The following HOPX variants were observed in gnomAD, a reference collection of about 807,000 sequenced individuals.
HOPX encodes the protein homeodomain-only protein.
A neutral mutation model predicts 11.8 loss-of-function variants in HOPX; 5 were observed. The ratio of observed to expected loss-of-function variants is 0.43; its 90% CI spans 0.22 to 0.89. The LOEUF is 0.89. HOPX is among the 40% of genes least tolerant of loss of function. The probability of loss-of-function intolerance (pLI) is 0.28; values close to 1 mark genes in which losing one functional copy is unlikely to be tolerated. For synonymous variants in HOPX, 49 were observed against 49.7 expected (o/e 0.99, Z 0.06); for missense variants, 119 against 120.0 (o/e 0.99, Z 0.04).
intron 3 of HOPX, among the ~76,000 whole-genome samples, chr4:56,652,450 G>C (rs1298876613): frequency 6.6e-6 from 1 of 152,142 alleles, no homozygotes; most frequent in African/African-American, 2.4e-5. Flanking sequence ...TCAGGCACAT[G>C]AAACAAATGT....
intron 1 of HOPX, among the ~76,000 whole-genome samples, chr4:56,668,966 T>C (rs1183811550): frequency 2.0e-5 from 3 of 152,232 alleles, no homozygotes. Context: ...TTTACTCCAG[T>C]TGTGATCCAG....
chr4:56,664,766 A>G (rs1232111573), intron 1 of HOPX: 2 of 152,102 alleles, frequency 1.3e-5, no homozygotes, highest in Non-Finnish European at 2.9e-5. Flanking sequence ...TAAAATAATT[A>G]TTTCTCTGCT....
intron 1 of HOPX, chr4:56,680,606 C>T (rs968397367): frequency 1.3e-5 from 2 of 152,050 alleles, no homozygotes; most frequent in Non-Finnish European, 2.9e-5. Flanking sequence ...TTCCACTTTA[C>T]TTAACAGTTT....
At chr4:56,654,585 C>T (rs1717501000) in intron 3 of HOPX, among the ~76,000 whole-genome samples, 1 of 152,198 alleles carries the variant, frequency 6.6e-6, no homozygotes, top group African/African-American at 2.4e-5. Context: ...TTCTGGTTGG[C>T]CAGACAGCTG....
chr4:56,665,750 A>G (rs921624090), intron 1 of HOPX: 3 of 152,146 alleles, frequency 2.0e-5, no homozygotes, highest in Non-Finnish European at 4.4e-5. Context: ...TTCATTTTAT[A>G]TATGTAGAAA....
chr4:56,667,858 G>A (rs1265566158), intron 1 of HOPX, among the ~76,000 whole-genome samples: 2 of 152,164 alleles, frequency 1.3e-5, no homozygotes, highest in Non-Finnish European at 2.9e-5. Context: ...AACATTTTAT[G>A]TATAATAAAG....
At chr4:56,650,874 G>A (rs1166675697) in intron 3 of HOPX, 1 of 1,462,186 alleles carries the variant, frequency 6.8e-7, no homozygotes, top group East Asian at 2.5e-5. Flanking sequence ...TACTGCTAAG[G>A]GTGGGCCCAT....
intron 3 of HOPX, among the ~76,000 whole-genome samples, chr4:56,652,693 T>C (rs942450238): frequency 1.3e-5 from 2 of 152,030 alleles, no homozygotes; most frequent in Non-Finnish European, 2.9e-5. Flanking sequence ...TGGTAGTATA[T>C]GCCTATATCC....
At chr4:56,661,343 G>A (rs979441649) in intron 1 of HOPX, among the ~76,000 whole-genome samples, 1 of 152,156 alleles carries the variant, frequency 6.6e-6, no homozygotes, top group South Asian at 2.1e-4. Context: ...TGTAGTAGAT[G>A]TCTTTTCCTA....
chr4:56,677,696 T>C (rs920437392), intron 1 of HOPX, among the ~76,000 whole-genome samples: 2 of 151,460 alleles, frequency 1.3e-5, no homozygotes, highest in African/African-American at 4.9e-5. Flanking sequence ...AACTGACACC[T>C]GCACCCATAC....
At chr4:56,672,634 T>TTAC (rs1718799947) in intron 1 of HOPX, 1 of 151,998 alleles carries the variant, frequency 6.6e-6, no homozygotes, top group African/African-American at 2.4e-5. Flanking sequence ...ATTATTATTA[T>TTAC]TACTTGAGAT....
chr4:56,653,881 C>T (rs1717433618), intron 3 of HOPX, among the ~76,000 whole-genome samples: 1 of 152,208 alleles, frequency 6.6e-6, no homozygotes, highest in Admixed American at 6.5e-5. Context: ...AGCAGGTGCC[C>T]TTTTCTTCTT....
At chr4:56,677,338 G>A (rs1452125751) in intron 1 of HOPX, among the ~76,000 whole-genome samples, 1 of 151,656 alleles carries the variant, frequency 6.6e-6, no homozygotes, top group Non-Finnish European at 1.5e-5. Context: ...CCAGCAAGTT[G>A]CTTGGAATTC....
At chr4:56,656,837 A>C (rs1316591179) in intron 2 of HOPX, among the ~76,000 whole-genome samples, 1 of 152,126 alleles carries the variant, frequency 6.6e-6, no homozygotes, top group Non-Finnish European at 1.5e-5. Context: ...TGCAGTCACC[A>C]GGCCACTATT....
At chr4:56,669,888 G>A (rs529109114) in intron 1 of HOPX, among the ~76,000 whole-genome samples, 1 of 152,240 alleles carries the variant, frequency 6.6e-6, no homozygotes, top group African/African-American at 2.4e-5. Flanking sequence ...GATGCTGGAG[G>A]AAAGAACAAC....
At chr4:56,659,387 G>C (rs1052319351) in intron 1 of HOPX, 1 of 152,200 alleles carries the variant, frequency 6.6e-6, no homozygotes, top group Admixed American at 6.5e-5. Context: ...AGAAGTGGTG[G>C]GTCTTTGGAA....
chr4:56,657,961 A>G lies in HOPX; in HGVS notation c.-83-62T>C. 3.4e-6 allele frequency: 5 copies of G among 1,462,492 alleles called. 1 individual carries two copies. In the South Asian group the frequency reaches 6.4e-5, roughly 19 times the overall value. The allele number at this position is 1,462,492 out of a possible 1,614,324, so 90.6% of individuals were successfully genotyped here. A position where few individuals can be genotyped will look rare whatever the true frequency, so the allele number is the denominator to read the frequency against. On this transcript the variant is annotated intron_variant, in intron 1 of 3. Coordinates refer to ENST00000420433, the MANE Select transcript of HOPX (RefSeq NM_032495.6). Reference sequence around the variant, plus strand: ...CAGGCAGGAGCTCATTGCCATTTTGAATGGGCATAGACTGTCCTAGTAGGA... The same window carrying G: ...CAGGCAGGAGCTCATTGCCATTTTGGATGGGCATAGACTGTCCTAGTAGGA...
intron 1 of HOPX, among the ~76,000 whole-genome samples, chr4:56,674,159 C>T (rs1718882893): frequency 6.6e-6 from 1 of 151,646 alleles, no homozygotes; most frequent in Non-Finnish European, 1.5e-5. Context: ...TTCATAAATC[C>T]CAGTTCCAGC....
chr4:56,655,754 G>A, intron 3 of HOPX, 103 bp downstream of exon 3: 1 of 1,322,190 alleles, frequency 7.6e-7, no homozygotes, highest in South Asian at 1.3e-5. Context: ...AGATCATGGG[G>A]AGGGCAGCCC....
Sources: allele counts gnomAD v4.1 joint callset (sites outside exome capture counted in the v4.1 genomes callset), GRCh38; gene constraint gnomAD v4.1.1; transcripts MANE v1.5; gene names NCBI Gene and HGNC (gene_info 2026-07-23, HGNC 2026-07-21).